EFNA5: variants seen among roughly 807,000 people sequenced by gnomAD.
EFNA5 encodes the protein ephrin A5.
Under a neutral mutation model 22.9 loss-of-function variants are expected in EFNA5, and 5 were observed. The observed-to-expected ratio is 0.22, with a 90% CI of 0.11 to 0.46. The LOEUF (loss-of-function observed/expected upper bound fraction) is 0.46, where lower values mean the gene tolerates loss of function less well. Ranked by LOEUF, EFNA5 falls within the 20% of genes least tolerant of loss-of-function variation. EFNA5 has a pLI of 0.99. For synonymous variants in EFNA5, 113 were observed against 112.2 expected, an observed-to-expected ratio of 1.01 and a Z score of -0.04; for missense variants, 237 against 293.3, an observed-to-expected ratio of 0.81 and a Z score of 1.40.
At position 107,545,845 on chromosome 5, in the gene EFNA5, C is replaced by T. The variant is rs115691938; in HGVS notation, c.126-118336G>A. On this transcript the variant is annotated intron_variant, in intron 1 of 4. Coordinates refer to ENST00000333274, the MANE Select transcript of EFNA5 (RefSeq NM_001962.3). ...GAAAGCCATTCGTTTTTTTCCTAAT[C>T]GAAACACTGTCTCTTGTGTCCTAAT... Among the ~76,000 whole-genome samples, 107 of 152,224 alleles carry T rather than the reference C, an allele frequency of 7.0e-4. 1 individual carries two copies. Among genetic ancestry groups the T allele is most frequent in the African/African-American group, 2.4e-3 (101 of 41,532 alleles).
intron 1 of EFNA5, among the ~76,000 whole-genome samples, chr5:107,601,770 G>GAAACACACAAACAAAAAACAA (rs1258620421): frequency 6.6e-6 from 1 of 152,046 alleles, no homozygotes; most frequent in Non-Finnish European, 1.5e-5. Context: ...TACCTTTACA[G>GAAACACACAAACAAAAAACAA]AAACACACAA....
At chr5:107,452,958 ATTTC>A (rs1185195780) in intron 1 of EFNA5, among the ~76,000 whole-genome samples, 3 of 152,112 alleles carry the variant, frequency 2.0e-5, no homozygotes, top group Admixed American at 6.6e-5. Flanking sequence ...GCCTGGCCTG[ATTTC>A]TTTCTTTCTT....
rs964090978 is a variant in EFNA5, at chr5:107,640,764, C to T, written c.125+29725G>A. Among the ~76,000 whole-genome samples, 3 of 152,184 alleles carry T rather than the reference C, an allele frequency of 2.0e-5. No homozygotes were observed. In the East Asian group the frequency reaches 5.8e-4, roughly 29 times the overall value. ...CTCTAAGCTACAAATGCTTTCCTAA[C>T]CACAGAGGTAACCGCTATACAGATA... is the stretch of plus-strand genomic sequence containing the variant. On this transcript the variant is annotated intron_variant, in intron 1 of 4. Coordinates refer to ENST00000333274, the MANE Select transcript of EFNA5 (RefSeq NM_001962.3).
At chr5:107,387,821 A>G (rs772894239) in intron 2 of EFNA5, 50 bp from the exon 3 acceptor site, 3 of 1,250,722 alleles carry the variant, frequency 2.4e-6, no homozygotes, top group East Asian at 4.7e-5. Flanking sequence ...GAACAACAAC[A>G]TATTACTCTT....
intron 2 of EFNA5, among the ~76,000 whole-genome samples, chr5:107,389,788 G>T (rs1208109989): frequency 6.6e-6 from 1 of 152,142 alleles, no homozygotes; most frequent in African/African-American, 2.4e-5. Flanking sequence ...TTAGCTACTG[G>T]ATGTGCTCCA....
At chr5:107,548,473 G>C (rs1046670402) in intron 1 of EFNA5, among the ~76,000 whole-genome samples, 1 of 152,154 alleles carries the variant, frequency 6.6e-6, no homozygotes, top group Non-Finnish European at 1.5e-5. Flanking sequence ...GAATGCTGTA[G>C]ATATACCTTC....
chr5:107,419,639 C>A (rs1165205970), intron 2 of EFNA5, among the ~76,000 whole-genome samples: 1 of 152,034 alleles, frequency 6.6e-6, no homozygotes, highest in Non-Finnish European at 1.5e-5. Flanking sequence ...GTCGGTTTCC[C>A]AACACTGCCC....
chr5:107,527,076 A>T (rs1747710462), intron 1 of EFNA5, among the ~76,000 whole-genome samples: 1 of 152,088 alleles, frequency 6.6e-6, no homozygotes, highest in Non-Finnish European at 1.5e-5. Flanking sequence ...TTGGGAAAAA[A>T]TATTTGTGCT....
At chr5:107,407,359 G>A (rs574300458) in intron 2 of EFNA5, among the ~76,000 whole-genome samples, 4 of 152,184 alleles carry the variant, frequency 2.6e-5, no homozygotes, top group Non-Finnish European at 4.4e-5. Context: ...CAGACCAAGC[G>A]GAAAGCTAAA....
intron 1 of EFNA5, among the ~76,000 whole-genome samples, chr5:107,597,347 A>C (rs1310850425): frequency 6.6e-6 from 1 of 152,124 alleles, no homozygotes; most frequent in Admixed American, 6.6e-5. Context: ...AACCTAACAA[A>C]TTCCAATGTA....
chr5:107,603,436 A>G (rs1249489893), intron 1 of EFNA5, among the ~76,000 whole-genome samples: 1 of 152,196 alleles, frequency 6.6e-6, no homozygotes, highest in East Asian at 1.9e-4. Context: ...GAGGATTTAT[A>G]CTTAACTGAG....
intron 1 of EFNA5, among the ~76,000 whole-genome samples, chr5:107,461,919 A>G (rs1251375753): frequency 6.6e-6 from 1 of 152,172 alleles, no homozygotes; most frequent in African/African-American, 2.4e-5. Context: ...ATACTTGTAC[A>G]TGTTTTCAAA....
chr5:107,592,064 TATA>T lies in EFNA5; in HGVS notation c.125+78422_125+78424del, dbSNP rs200899540. On this transcript the variant is annotated intron_variant, in intron 1 of 4. Coordinates refer to ENST00000333274, the MANE Select transcript of EFNA5 (RefSeq NM_001962.3). ...ATATATTATACATTAAACATATATT[TATA>T]ATAATAATAAATTATTAATTTTTAA... 3.6e-3 allele frequency among the ~76,000 whole-genome samples: 301 copies of T among 82,656 alleles called. 31 individuals are homozygous for T. Among genetic ancestry groups the T allele is most frequent in the African/African-American group, 0.016 (262 of 16,280 alleles). The allele number at this position is 82,656 out of a possible 152,430, so 54.2% of individuals were successfully genotyped here. A position where few individuals can be genotyped will look rare whatever the true frequency, so the allele number is the denominator to read the frequency against.
At chr5:107,431,115 A>T (rs1211334197) in intron 1 of EFNA5, among the ~76,000 whole-genome samples, 1 of 152,214 alleles carries the variant, frequency 6.6e-6, no homozygotes, top group African/African-American at 2.4e-5. Context: ...TACGACGAAG[A>T]AAAGATGATG....
At chr5:107,492,651 C>G (rs540798891) in intron 1 of EFNA5, among the ~76,000 whole-genome samples, 40 of 152,248 alleles carry the variant, frequency 2.6e-4, no homozygotes, top group Middle Eastern at 6.8e-3. Flanking sequence ...CAGACGCCAC[C>G]AGAACCTTAA....
At chr5:107,510,879 A>C (rs1486895987) in intron 1 of EFNA5, among the ~76,000 whole-genome samples, 1 of 152,210 alleles carries the variant, frequency 6.6e-6, no homozygotes, top group African/African-American at 2.4e-5. Context: ...ATCTTTTCTT[A>C]CTTTACAATA....
intron 1 of EFNA5, among the ~76,000 whole-genome samples, chr5:107,606,672 C>T (rs766139389): frequency 3.9e-5 from 6 of 152,000 alleles, no homozygotes; most frequent in Non-Finnish European, 7.4e-5. Flanking sequence ...TCTAAAACTT[C>T]AATTTCCTCT....
chr5:107,415,870 G>C (rs1748491610), intron 2 of EFNA5, among the ~76,000 whole-genome samples: 1 of 152,186 alleles, frequency 6.6e-6, no homozygotes, highest in African/African-American at 2.4e-5. Context: ...GGCTAGATAA[G>C]GTAAGGCAAT....
At chr5:107,587,890 C>A (rs1002537616) in intron 1 of EFNA5, among the ~76,000 whole-genome samples, 1 of 152,158 alleles carries the variant, frequency 6.6e-6, no homozygotes, top group Non-Finnish European at 1.5e-5. Flanking sequence ...TCTAGGAAAG[C>A]AATCCAGGTA....
Sources: gnomAD v4.1 joint callset for allele counts (sites outside exome capture counted in the v4.1 genomes callset) on GRCh38, gnomAD v4.1.1 for gene constraint, MANE v1.5 for transcripts, NCBI Gene and HGNC (gene_info 2026-07-23, HGNC 2026-07-21) for gene names.